FAM120B: variants seen among roughly 807,000 people sequenced by gnomAD.
FAM120B encodes the protein family with sequence similarity 120 member B, also known as constitutive coactivator of peroxisome proliferator-activated receptor gamma.
Under a neutral mutation model 96.3 loss-of-function variants are expected in FAM120B, and 83 were observed. The observed-to-expected ratio is 0.86, with a 90% CI of 0.72 to 1.03. The LOEUF is 1.03. Among genes scored for constraint, FAM120B ranks in the 50% least tolerant of loss-of-function variants. The pLI is 0.00. For synonymous variants in FAM120B, 407 were observed against 402.7 expected, an observed-to-expected ratio of 1.01 and a Z score of -0.13; for missense variants, 1,027 against 1,121.2, an observed-to-expected ratio of 0.92 and a Z score of 1.20.
chr6:170,391,027 C>A lies in FAM120B; in HGVS notation c.2505C>A (p.Thr835=), dbSNP rs769111959. The change falls in exon 8 of 11, where the codon ACC becomes ACA. Residue 835 remains threonine (T), a synonymous_variant. Transcript: ENST00000476287. ...TCTGTTTGCAGAGATCTCGGCTCAC[C>A]AAATTCCACAACCTGAAGGCAGTCG... The part of the protein sequence containing the change: ...VLLEQNRSRL[T]KFHNLKAVVC... The A allele has an allele frequency of 2.5e-6, 4 of 1,614,044 alleles. No homozygotes were observed. Among genetic ancestry groups the A allele is most frequent in the Non-Finnish European group, 8.5e-7 (1 of 1,180,008 alleles).
intron 1 of FAM120B, among the ~76,000 whole-genome samples, chr6:170,296,090 C>T (rs1783995458): frequency 6.6e-6 from 1 of 152,142 alleles, no homozygotes; most frequent in African/African-American, 2.4e-5. Flanking sequence ...GCCGGAGCAC[C>T]GGCGGGCACG....
intron 6 of FAM120B, among the ~76,000 whole-genome samples, chr6:170,387,423 A>C (rs1790248878): frequency 6.6e-6 from 1 of 152,222 alleles, no homozygotes; most frequent in African/African-American, 2.4e-5. Flanking sequence ...CCAGACAATG[A>C]CGGATTCAGT....
intron 4 of FAM120B, among the ~76,000 whole-genome samples, chr6:170,333,585 T>G (rs1210334440): frequency 1.3e-5 from 2 of 151,352 alleles, no homozygotes; most frequent in Non-Finnish European, 2.9e-5. Flanking sequence ...TGGCACAATC[T>G]TAGCTCACTG....
At chr6:170,376,424 T>G (rs553615194) in intron 6 of FAM120B, among the ~76,000 whole-genome samples, 1 of 151,264 alleles carries the variant, frequency 6.6e-6, no homozygotes, top group Admixed American at 6.6e-5. Context: ...AACACCTTCA[T>G]TGAAGGACCA....
chr6:170,351,970 C>T (rs1202219629), intron 5 of FAM120B, among the ~76,000 whole-genome samples: 2 of 152,136 alleles, frequency 1.3e-5, no homozygotes, highest in African/African-American at 4.8e-5. Context: ...GGGCTAAATG[C>T]CCCAGTTAAA....
upstream of FAM120B, among the ~76,000 whole-genome samples, chr6:170,304,177 C>A (rs1416395855): frequency 6.6e-6 from 1 of 152,208 alleles, no homozygotes; most frequent in Non-Finnish European, 1.5e-5. Flanking sequence ...ACATCCTACC[C>A]ACAAACAGCT....
At chr6:170,348,601 C>G (rs1787370820) in intron 5 of FAM120B, among the ~76,000 whole-genome samples, 1 of 152,170 alleles carries the variant, frequency 6.6e-6, no homozygotes, top group South Asian at 2.1e-4. Context: ...ACTAAACTTT[C>G]TCAAACTTTG....
chr6:170,319,272 A>T (rs910840361), intron 2 of FAM120B, 148 bp downstream of exon 2: 17 of 713,914 alleles, frequency 2.4e-5, no homozygotes, highest in Non-Finnish European at 3.8e-5. Context: ...GTGTGACGTT[A>T]TATGTGTGGA....
At chr6:170,398,078 G>T (rs1017034601) in intron 9 of FAM120B, among the ~76,000 whole-genome samples, 1 of 152,238 alleles carries the variant, frequency 6.6e-6, no homozygotes, top group Non-Finnish European at 1.5e-5. Flanking sequence ...TGGGAAAGAG[G>T]CTACGGGTTC....
intron 6 of FAM120B, 116 bp downstream of exon 6, chr6:170,358,434 G>C: frequency 1.3e-6 from 1 of 769,038 alleles, no homozygotes; most frequent in Non-Finnish European, 2.1e-6. Flanking sequence ...TTTTAGTCAG[G>C]ATCTTTTCGT....
At chr6:170,361,911 A>G (rs1310861251) in intron 6 of FAM120B, among the ~76,000 whole-genome samples, 1 of 152,174 alleles carries the variant, frequency 6.6e-6, no homozygotes, top group Non-Finnish European at 1.5e-5. Flanking sequence ...CTCATGCCTC[A>G]GCCTTCTGAG....
intron 6 of FAM120B, among the ~76,000 whole-genome samples, chr6:170,365,286 G>A (rs1187159288): frequency 6.6e-6 from 1 of 152,224 alleles, no homozygotes; most frequent in African/African-American, 2.4e-5. Context: ...CATGGAGGAC[G>A]AGGATTCATG....
intron 6 of FAM120B, among the ~76,000 whole-genome samples, chr6:170,375,339 G>T (rs2115264828): frequency 6.6e-6 from 1 of 152,326 alleles, no homozygotes; most frequent in Middle Eastern, 3.4e-3. Context: ...CTGACTGTTG[G>T]CAAAACACAG....
chr6:170,376,680 G>C (rs1215628739), intron 6 of FAM120B, among the ~76,000 whole-genome samples: 4 of 152,200 alleles, frequency 2.6e-5, no homozygotes, highest in African/African-American at 7.2e-5. Flanking sequence ...GGAGTGGTTT[G>C]GTTACGGATG....
chr6:170,306,296 AGCCC>A (rs1200170557), upstream of FAM120B, among the ~76,000 whole-genome samples: 1 of 151,976 alleles, frequency 6.6e-6, no homozygotes, highest in African/African-American at 2.4e-5. Flanking sequence ...CCTGTGCAGG[AGCCC>A]CCCGCTGTCC....
intron 1 of FAM120B, chr6:170,298,522 T>C (rs201887510): frequency 6.6e-6 from 1 of 150,686 alleles, no homozygotes; most frequent in Non-Finnish European, 1.5e-5. Flanking sequence ...TATTTTCTTT[T>C]TTTTTTTTTT....
intron 6 of FAM120B, among the ~76,000 whole-genome samples, chr6:170,381,804 G>GT (rs1455704355): frequency 1.3e-5 from 2 of 150,022 alleles, no homozygotes; most frequent in Non-Finnish European, 3.0e-5. Flanking sequence ...CCCATTCATG[G>GT]TTAAAAAAAA....
chr6:170,342,705 T>C (rs1322513543), intron 4 of FAM120B, among the ~76,000 whole-genome samples: 1 of 152,192 alleles, frequency 6.6e-6, no homozygotes, highest in Non-Finnish European at 1.5e-5. Context: ...TGTCCATCTG[T>C]TCACACAAAA....
chr6:170,342,561 C>A (rs868791835), intron 4 of FAM120B, among the ~76,000 whole-genome samples: 1 of 152,204 alleles, frequency 6.6e-6, no homozygotes, highest in African/African-American at 2.4e-5. Flanking sequence ...ACAACTCTCC[C>A]CCAGGGGCCA....
Sources: allele counts gnomAD v4.1 joint callset (sites outside exome capture counted in the v4.1 genomes callset), GRCh38; gene constraint gnomAD v4.1.1; transcripts MANE v1.5; gene names NCBI Gene and HGNC (gene_info 2026-07-23, HGNC 2026-07-21).